Variants in ULK4 observed in about 807,000 individuals in gnomAD.
ULK4 encodes the protein inactive serine/threonine-protein kinase ULK4.
A neutral mutation model predicts 160.6 loss-of-function variants in ULK4; 133 were observed. That is an observed-to-expected ratio of 0.83 (90% CI 0.72 to 0.96). The LOEUF (loss-of-function observed/expected upper bound fraction) is 0.96, where lower values mean the gene tolerates loss of function less well. ULK4 is among the 40% of genes least tolerant of loss of function. The pLI is 0.00. For synonymous variants in ULK4, 534 were observed against 539.8 expected, an observed-to-expected ratio of 0.99 and a Z score of 0.15; for missense variants, 1,580 against 1,499.5, an observed-to-expected ratio of 1.05 and a Z score of -0.89.
chr3:41,743,666 C>A (rs996270234), intron 22 of ULK4, among the ~76,000 whole-genome samples: 1 of 151,812 alleles, frequency 6.6e-6, no homozygotes, highest in Non-Finnish European at 1.5e-5. Flanking sequence ...ATCCTTAAGA[C>A]AATTTTTTTT....
At chr3:41,750,420 C>A (rs1381341686) in intron 22 of ULK4, among the ~76,000 whole-genome samples, 1 of 152,140 alleles carries the variant, frequency 6.6e-6, no homozygotes, top group African/African-American at 2.4e-5. Context: ...GTTCTTTACT[C>A]CTCCTAATGT....
chr3:41,490,376 T>C (rs796365483), intron 32 of ULK4, among the ~76,000 whole-genome samples: 1 of 152,186 alleles, frequency 6.6e-6, no homozygotes, highest in Non-Finnish European at 1.5e-5. Flanking sequence ...CCAGAATGTA[T>C]GTTCATAGCT....
intron 22 of ULK4, 138 bp from the exon 23 acceptor site, chr3:41,717,999 G>T: frequency 9.7e-7 from 1 of 1,028,424 alleles, no homozygotes; most frequent in East Asian, 2.6e-5. Flanking sequence ...GCAACTTGTC[G>T]GGCACAATTT....
chr3:41,399,678 A>G (rs889660370), intron 34 of ULK4, among the ~76,000 whole-genome samples: 2 of 150,674 alleles, frequency 1.3e-5, no homozygotes, highest in African/African-American at 5.0e-5. Flanking sequence ...GCTTCAAGCA[A>G]TTCTCCCACC....
At chr3:41,533,571 C>G (rs956864394) in intron 32 of ULK4, among the ~76,000 whole-genome samples, 24 of 152,146 alleles carry the variant, frequency 1.6e-4, no homozygotes, top group African/African-American at 5.8e-4. Context: ...CCACCTAATT[C>G]TGTAAATAAA....
chr3:41,480,134 G>A (rs571507913), intron 32 of ULK4, among the ~76,000 whole-genome samples: 3 of 151,304 alleles, frequency 2.0e-5, no homozygotes, highest in East Asian at 2.0e-4. Flanking sequence ...GTGAACCTGG[G>A]AGGCGGAGCT....
At chr3:41,890,308 C>T (rs1184035158) in intron 16 of ULK4, among the ~76,000 whole-genome samples, 1 of 152,136 alleles carries the variant, frequency 6.6e-6, no homozygotes, top group Non-Finnish European at 1.5e-5. Context: ...CAAACTCCCA[C>T]ACCCATCCTG....
At chr3:41,334,729 A>G (rs960681158) in intron 35 of ULK4, among the ~76,000 whole-genome samples, 7 of 152,234 alleles carry the variant, frequency 4.6e-5, no homozygotes, top group African/African-American at 1.7e-4. Flanking sequence ...GCCTACAGAA[A>G]TATGTCTGAG....
intron 18 of ULK4, among the ~76,000 whole-genome samples, chr3:41,830,511 G>A (rs1485617104): frequency 6.6e-6 from 1 of 152,036 alleles, no homozygotes. Context: ...TCTGTATGTA[G>A]TGATGGTTTC....
intron 16 of ULK4, among the ~76,000 whole-genome samples, chr3:41,891,633 G>A (rs574132574): frequency 5.9e-5 from 9 of 152,124 alleles, no homozygotes; most frequent in Admixed American, 2.6e-4. Context: ...ACAGCCAGGC[G>A]CGGTGGCTCA....
chr3:41,569,018 G>A (rs2087879082), intron 31 of ULK4, among the ~76,000 whole-genome samples: 3 of 152,128 alleles, frequency 2.0e-5, no homozygotes, highest in Admixed American at 2.0e-4. Context: ...TTACTATAAA[G>A]GACATTACAA....
At chr3:41,488,455 T>C (rs9876441) in intron 32 of ULK4, among the ~76,000 whole-genome samples, 62,288 of 152,012 alleles carry the variant, frequency 0.41, 12,939 homozygotes, top group African/African-American at 0.43. Context: ...ACCCAGATCA[T>C]CTCTGGGAAT....
intron 18 of ULK4, among the ~76,000 whole-genome samples, chr3:41,831,531 A>ATATATATATTTTTTTTT: frequency 1.4e-5 from 2 of 138,128 alleles, no homozygotes; most frequent in South Asian, 2.3e-4. Flanking sequence ...ATATATATAT[A>ATATATATATTTTTTTTT]TTTTTTTTTC....
intron 21 of ULK4, among the ~76,000 whole-genome samples, chr3:41,786,013 G>A (rs2039987272): frequency 6.6e-6 from 1 of 152,094 alleles, no homozygotes; most frequent in Admixed American, 6.6e-5. Flanking sequence ...AGGCCAGAAT[G>A]CACCTTCTCA....
chr3:41,455,416 G>T, intron 34 of ULK4, 81 bp downstream of exon 34: 1 of 1,296,144 alleles, frequency 7.7e-7, no homozygotes. Context: ...AAATAACATA[G>T]AAACTCAAGA....
intron 17 of ULK4, among the ~76,000 whole-genome samples, chr3:41,850,517 G>GA (rs1691340812): frequency 6.6e-6 from 1 of 151,912 alleles, no homozygotes; most frequent in Non-Finnish European, 1.5e-5. Context: ...ACTGGTGTGA[G>GA]ATGGTATCTC....
At chr3:41,604,172 T>C (rs2032255016) in intron 31 of ULK4, among the ~76,000 whole-genome samples, 1 of 152,088 alleles carries the variant, frequency 6.6e-6, no homozygotes, top group African/African-American at 2.4e-5. Flanking sequence ...AGTAGGCCTC[T>C]GCATAGCCTA....
intron 34 of ULK4, among the ~76,000 whole-genome samples, chr3:41,440,127 T>A (rs754949115): frequency 9.9e-5 from 15 of 152,188 alleles, no homozygotes; most frequent in Non-Finnish European, 1.5e-4. Flanking sequence ...AACATAGACA[T>A]CATGTCATCT....
At chr3:41,487,486 A>T (rs1179598510) in intron 32 of ULK4, among the ~76,000 whole-genome samples, 3 of 152,164 alleles carry the variant, frequency 2.0e-5, no homozygotes, top group African/African-American at 7.2e-5. Context: ...TCTGATTCCA[A>T]TACAGGAATT....
Sources: gnomAD v4.1 joint callset for allele counts (sites outside exome capture counted in the v4.1 genomes callset) on GRCh38, gnomAD v4.1.1 for gene constraint, MANE v1.5 for transcripts, NCBI Gene and HGNC (gene_info 2026-07-23, HGNC 2026-07-21) for gene names.